TCF7L2: variants seen among roughly 807,000 people sequenced by gnomAD.
The protein encoded by TCF7L2 is transcription factor 7 like 2.
In TCF7L2, 23 loss-of-function variants were observed where a neutral mutation model predicts 77.9. That is an observed-to-expected ratio of 0.30 (90% CI 0.21 to 0.42). TCF7L2 has a LOEUF of 0.42. Among genes scored for constraint, TCF7L2 ranks in the 10% least tolerant of loss-of-function variants. The pLI, the probability that TCF7L2 is intolerant of heterozygous loss-of-function variation, is 1.00. For synonymous variants in TCF7L2, 413 were observed against 340.2 expected (o/e 1.21, Z -2.36); for missense variants, 654 against 793.1 (o/e 0.82, Z 2.11).
chr10:113,032,039 A>G (rs2050311361), intron 4 of TCF7L2, among the ~76,000 whole-genome samples: 1 of 152,240 alleles, frequency 6.6e-6, no homozygotes, highest in South Asian at 2.1e-4. Context: ...ATGAAGTGAC[A>G]TGCCAGGTCA....
At chr10:113,087,466 G>T (rs373302664) in intron 5 of TCF7L2, among the ~76,000 whole-genome samples, 33 of 152,230 alleles carry the variant, frequency 2.2e-4, no homozygotes, top group African/African-American at 6.8e-4. Context: ...AAGGCAGTAA[G>T]GTGAGTCATT....
intron 5 of TCF7L2, chr10:113,129,391 G>T: frequency 1.0e-6 from 1 of 993,584 alleles, no homozygotes; most frequent in Non-Finnish European, 1.2e-6. Context: ...TGAGGGAGGG[G>T]ACTTTGCTGA....
intron 5 of TCF7L2, among the ~76,000 whole-genome samples, chr10:113,077,849 C>T (rs1395133213): frequency 6.7e-6 from 1 of 148,272 alleles, no homozygotes; most frequent in Non-Finnish European, 1.5e-5. Flanking sequence ...TGCCACCACG[C>T]CTGGCTTGCT....
intron 5 of TCF7L2, among the ~76,000 whole-genome samples, chr10:113,080,243 C>T (rs2059187225): frequency 6.6e-6 from 1 of 151,908 alleles, no homozygotes; most frequent in Non-Finnish European, 1.5e-5. Context: ...CCAGACTCCA[C>T]ACCCCTTATG....
rs1234271974 is a variant in TCF7L2, at chr10:112,964,757, G to A, written c.450+133G>A. 172 of 736,266 alleles carry A rather than the reference G, an allele frequency of 2.3e-4. No individual in the cohort carries two copies. Among genetic ancestry groups the A allele is most frequent in the Middle Eastern group, 1.3e-3 (4 of 3,158 alleles). The allele number at this position is 736,266 out of a possible 1,614,324, so 45.6% of individuals were successfully genotyped here. A position where few individuals can be genotyped will look rare whatever the true frequency, so the allele number is the denominator to read the frequency against. On this transcript the variant is annotated intron_variant, in intron 4 of 13. Transcript: ENST00000627217. ...GATGATGATGGTGGTGGTGGTGGTG[G>A]TGATGGTGGTGGTGGTGGTGATGGT...
intron 4 of TCF7L2, among the ~76,000 whole-genome samples, chr10:113,036,507 A>G (rs558208647): frequency 1.5e-4 from 23 of 152,114 alleles, no homozygotes; most frequent in Admixed American, 7.2e-4. Flanking sequence ...CTTTCAGGCC[A>G]TTGGTGTTGT....
intron 5 of TCF7L2, among the ~76,000 whole-genome samples, chr10:113,128,710 G>A (rs1465823704): frequency 1.3e-5 from 2 of 152,078 alleles, no homozygotes; most frequent in East Asian, 3.9e-4. Flanking sequence ...TTTGTCCCCT[G>A]CAACTTTTTC....
At chr10:113,062,695 C>G (rs2056657037) in intron 5 of TCF7L2, among the ~76,000 whole-genome samples, 1 of 152,116 alleles carries the variant, frequency 6.6e-6, no homozygotes, top group Admixed American at 6.5e-5. Flanking sequence ...AAAATTCGGT[C>G]CAATTAAGCG....
At chr10:113,030,854 G>A (rs1054433345) in intron 4 of TCF7L2, among the ~76,000 whole-genome samples, 1 of 152,194 alleles carries the variant, frequency 6.6e-6, no homozygotes, top group African/African-American at 2.4e-5. Flanking sequence ...CCTTTGGGTG[G>A]GACTCAATCT....
At chr10:113,157,606 G>C (rs2072219263) in intron 11 of TCF7L2, among the ~76,000 whole-genome samples, 1 of 152,204 alleles carries the variant, frequency 6.6e-6, no homozygotes, top group Non-Finnish European at 1.5e-5. Context: ...CTTGAAGCTG[G>C]TGCGGCCATG....
chr10:113,139,960 A>G (rs1307386755), intron 5 of TCF7L2, among the ~76,000 whole-genome samples: 1 of 152,170 alleles, frequency 6.6e-6, no homozygotes, highest in Non-Finnish European at 1.5e-5. Flanking sequence ...TGTTAATGCA[A>G]GTTGTGCCTT....
intron 2 of TCF7L2, 77 bp downstream of exon 2, chr10:112,951,350 G>T: frequency 1.0e-6 from 1 of 978,748 alleles, no homozygotes. Context: ...CCGGCCCCGC[G>T]CCCGGCTCGG....
chr10:112,979,047 A>G (rs1281681335), intron 4 of TCF7L2, among the ~76,000 whole-genome samples: 2 of 151,986 alleles, frequency 1.3e-5, no homozygotes, highest in Non-Finnish European at 2.9e-5. Flanking sequence ...ACCCTCTTTT[A>G]TGTGGGGAGG....
At chr10:112,960,760 T>C (rs1234494936) in intron 3 of TCF7L2, among the ~76,000 whole-genome samples, 1 of 151,824 alleles carries the variant, frequency 6.6e-6, no homozygotes, top group Non-Finnish European at 1.5e-5. Context: ...CGATCTTGGC[T>C]CACTGTAGCC....
intron 5 of TCF7L2, among the ~76,000 whole-genome samples, chr10:113,087,030 A>G (rs2059910829): frequency 6.6e-6 from 1 of 152,170 alleles, no homozygotes; most frequent in Admixed American, 6.5e-5. Flanking sequence ...CAATAAGTGT[A>G]GCCCAGTAAC....
chr10:113,100,661 T>C (rs537228464), intron 5 of TCF7L2, among the ~76,000 whole-genome samples: 2 of 152,292 alleles, frequency 1.3e-5, no homozygotes, highest in South Asian at 4.1e-4. Context: ...ATTGCGACCC[T>C]CTGGGCATGA....
At chr10:113,093,933 T>G (rs1432572712) in intron 5 of TCF7L2, among the ~76,000 whole-genome samples, 1 of 152,218 alleles carries the variant, frequency 6.6e-6, no homozygotes, top group Non-Finnish European at 1.5e-5. Context: ...CTTCCCTGAT[T>G]CCTTGTTTCC....
intron 4 of TCF7L2, among the ~76,000 whole-genome samples, chr10:113,022,232 CT>C (rs2048369643): frequency 6.6e-6 from 1 of 152,204 alleles, no homozygotes; most frequent in South Asian, 2.1e-4. Flanking sequence ...TTGTGACCCC[CT>C]GTTTCGTGGG....
In TCF7L2 at chr10:113,158,017, C is replaced by G. The variant is rs191206106; in HGVS notation, c.1270-4C>G. 3.0e-5 allele frequency: 48 copies of G among 1,588,378 alleles called. No individual in the cohort carries two copies. The East Asian group carries it at 1.1e-3, about 35-fold the overall frequency. On this transcript the variant is annotated splice_region_variant and splice_polypyrimidine_tract_variant and intron_variant, in intron 11 of 13. Transcript: ENST00000627217. ...AATTCCCTGTGTTTCATCTCTTCAT[C>G]TAGGGAAAGAAGAAGAAGAGGAAAA...
Sources: gnomAD v4.1 joint callset for allele counts (sites outside exome capture counted in the v4.1 genomes callset) on GRCh38, gnomAD v4.1.1 for gene constraint, MANE v1.5 for transcripts, NCBI Gene and HGNC (gene_info 2026-07-23, HGNC 2026-07-21) for gene names.